Variants in PLCE1 observed in about 807,000 individuals in gnomAD.
PLCE1 encodes the protein 1-phosphatidylinositol 4,5-bisphosphate phosphodiesterase epsilon-1.
A neutral mutation model predicts 242.8 loss-of-function variants in PLCE1; 119 were observed. That is an observed-to-expected ratio of 0.49 (90% confidence interval 0.42 to 0.57). PLCE1 has a LOEUF of 0.57. Among genes scored for constraint, PLCE1 ranks in the 20% least tolerant of loss-of-function variants. PLCE1 has a pLI of 0.00. For missense variants in PLCE1, 2,441 were observed against 2,788.8 expected (o/e 0.88, Z 2.81); for synonymous variants, 945 against 1,017.4 (o/e 0.93, Z 1.35).
intron 4 of PLCE1, among the ~76,000 whole-genome samples, chr10:94,178,441 G>A (rs559166105): frequency 6.4e-4 from 98 of 152,252 alleles, no homozygotes; most frequent in African/African-American, 2.4e-3. Context: ...TGGTCAACCT[G>A]AGCATTCATC....
intron 4 of PLCE1, among the ~76,000 whole-genome samples, chr10:94,214,546 G>A (rs2136986017): frequency 6.6e-6 from 1 of 152,218 alleles, no homozygotes; most frequent in South Asian, 2.1e-4. Context: ...TGATCTTGGT[G>A]GGATGCCAAT....
chr10:94,092,198 A>G (rs1283657472), intron 2 of PLCE1, among the ~76,000 whole-genome samples: 1 of 152,242 alleles, frequency 6.6e-6, no homozygotes, highest in Non-Finnish European at 1.5e-5. Context: ...AAAAAAGGTT[A>G]ACTGCCAAAC....
At chr10:94,269,193 C>A (rs1002132170) in intron 17 of PLCE1, among the ~76,000 whole-genome samples, 157 bp downstream of exon 17, 11 of 149,398 alleles carry the variant, frequency 7.4e-5, no homozygotes, top group Admixed American at 6.7e-4. Flanking sequence ...CCTCTGCCTC[C>A]GAGGTTCAAG....
chr10:94,100,976 A>G (rs1431265231), intron 2 of PLCE1, among the ~76,000 whole-genome samples: 1 of 152,210 alleles, frequency 6.6e-6, no homozygotes, highest in African/African-American at 2.4e-5. Context: ...AGGGAACAGC[A>G]TTTACAGAAG....
At chr10:94,140,270 A>G (rs2046912447) in intron 3 of PLCE1, among the ~76,000 whole-genome samples, 1 of 152,088 alleles carries the variant, frequency 6.6e-6, no homozygotes, top group South Asian at 2.1e-4. Context: ...TATTTCAGAT[A>G]GAAAAGTCTA....
chr10:94,103,025 C>A (rs1419301705), intron 2 of PLCE1, among the ~76,000 whole-genome samples: 2 of 152,018 alleles, frequency 1.3e-5, no homozygotes, highest in African/African-American at 4.8e-5. Flanking sequence ...ATTTTAAAAG[C>A]CAATATAAAA....
intron 6 of PLCE1, 47 bp downstream of exon 6, chr10:94,234,359 G>A (rs1220283856): frequency 6.2e-7 from 1 of 1,600,128 alleles, no homozygotes; most frequent in South Asian, 1.1e-5. Context: ...ACTGTTGCTG[G>A]CTGTCTCATC....
chr10:94,252,313 C>T lies in PLCE1; in HGVS notation c.3097-3C>T. 1 of 1,613,828 alleles carries T rather than the reference C, an allele frequency of 6.2e-7. No homozygotes were observed. The highest frequency in any genetic ancestry group is 8.5e-7 in the Non-Finnish European group (1 of 1,179,766). ...TTGTGTTCACCATGTGGCTCTTTCACAGGAGGATGGACGGTATGAAGGCCC... is the reference window on the plus strand; with the variant it reads ...TTGTGTTCACCATGTGGCTCTTTCATAGGAGGATGGACGGTATGAAGGCCC... On this transcript the variant is annotated splice_region_variant and splice_polypyrimidine_tract_variant and intron_variant, in intron 8 of 32. Coordinates refer to ENST00000371380, the MANE Select transcript of PLCE1 (RefSeq NM_016341.4).
At chr10:94,022,743 A>G (rs1266582918) in intron 1 of PLCE1, among the ~76,000 whole-genome samples, 2 of 152,098 alleles carry the variant, frequency 1.3e-5, no homozygotes, top group Non-Finnish European at 2.9e-5. Flanking sequence ...GATATGATGA[A>G]AATAGTGTTT....
chr10:94,065,924 A>C (rs1397981033), intron 2 of PLCE1, among the ~76,000 whole-genome samples: 20 of 152,146 alleles, frequency 1.3e-4, no homozygotes, highest in Admixed American at 1.3e-3. Flanking sequence ...AGGCACAAAA[A>C]TTGCTGTGTT....
intron 2 of PLCE1, chr10:94,089,108 G>C (rs779451169): frequency 2.5e-6 from 4 of 1,613,868 alleles, no homozygotes; most frequent in Non-Finnish European, 3.4e-6. Context: ...GTTTCAGAAG[G>C]AAGTGCAGCA....
chr10:94,084,295 T>C (rs1247476826), intron 2 of PLCE1, among the ~76,000 whole-genome samples: 1 of 152,210 alleles, frequency 6.6e-6, no homozygotes, highest in Non-Finnish European at 1.5e-5. Flanking sequence ...GGGGCTGCCA[T>C]AGCTTTGCCG....
At chr10:94,131,641 C>A (rs1228360270) in intron 2 of PLCE1, among the ~76,000 whole-genome samples, 1 of 152,174 alleles carries the variant, frequency 6.6e-6, no homozygotes, top group East Asian at 1.9e-4. Flanking sequence ...AAAAATGATT[C>A]AAATACTTTG....
At chr10:94,119,156 T>C (rs41476444) in intron 2 of PLCE1, among the ~76,000 whole-genome samples, 2,405 of 152,324 alleles carry the variant, frequency 0.016, 34 homozygotes, top group Non-Finnish European at 0.026. Flanking sequence ...TGGTAGGTAA[T>C]GTGTACTTTG....
chr10:94,199,004 G>T (rs1459081062), intron 4 of PLCE1, among the ~76,000 whole-genome samples: 1 of 152,040 alleles, frequency 6.6e-6, no homozygotes, highest in Non-Finnish European at 1.5e-5. Flanking sequence ...GTGAGCTGAA[G>T]TCACACCACT....
chr10:94,093,876 C>T (rs2045178735), intron 2 of PLCE1, among the ~76,000 whole-genome samples: 3 of 149,644 alleles, frequency 2.0e-5, no homozygotes, highest in African/African-American at 7.4e-5. Flanking sequence ...CAAAAGCTAG[C>T]AGTAAACCAG....
intron 3 of PLCE1, among the ~76,000 whole-genome samples, chr10:94,167,645 A>G (rs2047848479): frequency 6.7e-6 from 1 of 148,938 alleles, no homozygotes; most frequent in Admixed American, 6.7e-5. Context: ...CATTAGGTGT[A>G]TCTCCTAATG....
At chr10:94,172,368 A>G (rs185886835) in intron 4 of PLCE1, among the ~76,000 whole-genome samples, 1 of 152,304 alleles carries the variant, frequency 6.6e-6, no homozygotes. Context: ...TGTGTATTCA[A>G]TCACAAAATT....
At chr10:94,235,745 T>C (rs2050299912) in intron 6 of PLCE1, 170 bp from the exon 7 acceptor site, 1 of 983,124 alleles carries the variant, frequency 1.0e-6, no homozygotes, top group South Asian at 4.7e-5. Flanking sequence ...TGAGTTTTGA[T>C]ATTTCATGTG....
Sources: gnomAD v4.1 joint callset for allele counts (sites outside exome capture counted in the v4.1 genomes callset) on GRCh38, gnomAD v4.1.1 for gene constraint, MANE v1.5 for transcripts, NCBI Gene and HGNC (gene_info 2026-07-23, HGNC 2026-07-21) for gene names.